ARHGAP10: variants seen among roughly 807,000 people sequenced by gnomAD.
ARHGAP10 encodes the protein Rho GTPase activating protein 10.
Under a neutral mutation model 108.6 loss-of-function variants are expected in ARHGAP10, and 87 were observed. The ratio of observed to expected loss-of-function variants is 0.80; its 90% CI spans 0.67 to 0.96. The LOEUF is 0.96. Ranked by LOEUF, ARHGAP10 falls within the 40% of genes least tolerant of loss-of-function variation. The pLI is 0.00. For missense variants in ARHGAP10, 939 were observed against 954.5 expected (o/e 0.98, Z 0.21); for synonymous variants, 347 against 341.1 (o/e 1.02, Z -0.19).
rs563861490 is a variant in ARHGAP10 at position 148,041,804 on chromosome 4, G to T, written c.1868-5088G>T. On this transcript the variant is annotated intron_variant, in intron 19 of 22. Transcript: ENST00000336498. ...TTTATGAGAATTGATGTTTGTTCAG[G>T]AATCCTAAATATTTGCAAAAGAACA... Among the ~76,000 whole-genome samples the T allele has an allele frequency of 5.3e-5, 8 of 152,254 alleles. No individual in the cohort carries two copies. The East Asian group carries it at 1.2e-3, about 22-fold the overall frequency.
chr4:147,909,734 G>A lies in ARHGAP10; in HGVS notation c.1119G>A (p.Leu373=). The A allele has an allele frequency of 6.2e-7, 1 of 1,610,968 alleles. No homozygotes were observed. Among genetic ancestry groups the A allele is most frequent in the East Asian group, 2.2e-5 (1 of 44,826 alleles). Residue 373 remains leucine (L), a splice_region_variant and synonymous_variant, in exon 12 of 23, where the codon CTG becomes CTA. Coordinates refer to ENST00000336498, the MANE Select transcript of ARHGAP10 (RefSeq NM_024605.4). Reference sequence around the variant, plus strand: ...GTTTTTCCATTCTCTTTTATTAGCTGTCCCATAGTTTTAATACAGCCATCA... The same window carrying A: ...GTTTTTCCATTCTCTTTTATTAGCTATCCCATAGTTTTAATACAGCCATCA... ...WLEALGGKEA[L]SHSFNTAIIP...
At chr4:148,055,283 T>C in intron 20 of ARHGAP10, among the ~76,000 whole-genome samples, 1 of 152,202 alleles carries the variant, frequency 6.6e-6, no homozygotes, top group East Asian at 1.9e-4. Context: ...AGCCTCAGGA[T>C]CGCACAGGCT....
At chr4:147,968,673 T>C (rs1051428201) in intron 18 of ARHGAP10, among the ~76,000 whole-genome samples, 4 of 152,204 alleles carry the variant, frequency 2.6e-5, no homozygotes, top group African/African-American at 9.7e-5. Flanking sequence ...ACTTTTAGAT[T>C]TTTTTTTCTT....
chr4:147,914,557 C>G (rs1736882589), intron 13 of ARHGAP10, among the ~76,000 whole-genome samples: 1 of 784 alleles, frequency 1.3e-3, no homozygotes, highest in Admixed American at 0.019. Context: ...GTTCTGCGCT[C>G]CCCCCCCCCC....
chr4:148,059,892 C>G (rs1560897795), intron 20 of ARHGAP10, among the ~76,000 whole-genome samples: 1 of 152,004 alleles, frequency 6.6e-6, no homozygotes, highest in Non-Finnish European at 1.5e-5. Context: ...CAGCTTGGGC[C>G]AGGTCACACC....
intron 1 of ARHGAP10, among the ~76,000 whole-genome samples, chr4:147,819,725 C>A (rs1339786245): frequency 6.6e-6 from 1 of 151,752 alleles, no homozygotes; most frequent in Admixed American, 6.6e-5. Context: ...CGCCTGGCTA[C>A]TTTTTGTATT....
At chr4:147,890,551 G>A (rs1735758886) in intron 10 of ARHGAP10, among the ~76,000 whole-genome samples, 2 of 152,244 alleles carry the variant, frequency 1.3e-5, no homozygotes, top group African/African-American at 2.4e-5. Context: ...GGTTGGCTGG[G>A]TGCAGTGGCC....
In ARHGAP10 at chr4:147,773,771, C is replaced by CT. The variant is rs1458625559; in HGVS notation, c.154+41319dup. Among the ~76,000 whole-genome samples the CT allele has an allele frequency of 3.9e-5, 6 of 152,288 alleles. No homozygotes were observed. In the East Asian group the frequency reaches 1.2e-3, roughly 29 times the overall value. On this transcript the variant is annotated intron_variant, in intron 1 of 22. Coordinates refer to ENST00000336498, the MANE Select transcript of ARHGAP10 (RefSeq NM_024605.4). ...AGATTCTTGATTCTCTACCTTGGTT[C>CT]TTTAGAATGTGAGTCAATACATTAA... is the stretch of plus-strand genomic sequence containing the variant.
intron 8 of ARHGAP10, among the ~76,000 whole-genome samples, chr4:147,878,593 C>T (rs1046277644): frequency 6.6e-6 from 1 of 152,070 alleles, no homozygotes; most frequent in African/African-American, 2.4e-5. Flanking sequence ...TTTTGAAACC[C>T]TTGTGAGCTC....
chr4:147,958,222 T>C (rs1301011991), intron 16 of ARHGAP10, among the ~76,000 whole-genome samples: 1 of 152,240 alleles, frequency 6.6e-6, no homozygotes, highest in African/African-American at 2.4e-5. Flanking sequence ...AAGTCCTTGC[T>C]GTATCATTTT....
At chr4:147,837,029 T>C (rs1273068104) in intron 3 of ARHGAP10, among the ~76,000 whole-genome samples, 2 of 152,218 alleles carry the variant, frequency 1.3e-5, no homozygotes, top group Non-Finnish European at 2.9e-5. Context: ...AAATCGATTG[T>C]GAAACTTTTT....
At chr4:147,778,230 G>C (rs1421130061) in intron 1 of ARHGAP10, among the ~76,000 whole-genome samples, 1 of 152,190 alleles carries the variant, frequency 6.6e-6, no homozygotes, top group Non-Finnish European at 1.5e-5. Context: ...CTTTGAAAGA[G>C]TGGGTGCTGC....
At chr4:147,811,627 T>G (rs1401739505) in intron 1 of ARHGAP10, among the ~76,000 whole-genome samples, 1 of 151,998 alleles carries the variant, frequency 6.6e-6, no homozygotes, top group African/African-American at 2.4e-5. Context: ...CTGGTTAAGG[T>G]TTTCTTTTGA....
At chr4:147,869,711 C>G (rs973718505) in intron 7 of ARHGAP10, among the ~76,000 whole-genome samples, 20 of 151,860 alleles carry the variant, frequency 1.3e-4, no homozygotes, top group Admixed American at 6.6e-5. Flanking sequence ...TTAATAAACA[C>G]TCTTACAACT....
At chr4:147,811,751 A>G (rs938097750) in intron 1 of ARHGAP10, among the ~76,000 whole-genome samples, 2 of 152,172 alleles carry the variant, frequency 1.3e-5, no homozygotes, top group African/African-American at 2.4e-5. Context: ...CTGCTTGCAG[A>G]TTGGTCGCTA....
At chr4:147,946,490 A>G (rs1339778800) in intron 14 of ARHGAP10, 127 bp from the exon 15 acceptor site, 3 of 654,328 alleles carry the variant, frequency 4.6e-6, no homozygotes, top group South Asian at 2.2e-5. Context: ...TCATATATAT[A>G]ATGTTTTCCT....
chr4:147,824,702 C>T (rs1264880051), intron 3 of ARHGAP10, among the ~76,000 whole-genome samples: 1 of 152,102 alleles, frequency 6.6e-6, no homozygotes, highest in Non-Finnish European at 1.5e-5. Context: ...ACCTTCAGAT[C>T]TCACAGGAAC....
At chr4:147,977,999 T>A (rs1739663492) in intron 18 of ARHGAP10, among the ~76,000 whole-genome samples, 2 of 152,236 alleles carry the variant, frequency 1.3e-5, no homozygotes, top group Admixed American at 1.3e-4. Flanking sequence ...TTTTGGTTTT[T>A]TAACTTTGTT....
At chr4:147,911,369 T>A (rs1251706177) in intron 12 of ARHGAP10, among the ~76,000 whole-genome samples, 1 of 152,172 alleles carries the variant, frequency 6.6e-6, no homozygotes, top group Non-Finnish European at 1.5e-5. Flanking sequence ...TTTGTTGTTG[T>A]CGTTGTTGTT....
Sources: allele counts gnomAD v4.1 joint callset (sites outside exome capture counted in the v4.1 genomes callset), GRCh38; gene constraint gnomAD v4.1.1; transcripts MANE v1.5; gene names NCBI Gene and HGNC (gene_info 2026-07-23, HGNC 2026-07-21).